The following SUPT3H variants were observed in gnomAD, a reference collection of about 807,000 sequenced individuals.
SUPT3H encodes the protein transcription initiation protein SPT3 homolog.
SUPT3H carries 44 observed loss-of-function variants against 44.3 expected under a neutral mutation model. The observed-to-expected ratio is 0.99, with a 90% CI of 0.78 to 1.28. SUPT3H has a LOEUF of 1.28. Ranked by LOEUF, SUPT3H falls within the 50% of genes most tolerant of loss-of-function variation. The pLI, the probability that SUPT3H is intolerant of heterozygous loss-of-function variation, is 0.00. For missense variants in SUPT3H, 380 were observed against 387.1 expected (o/e 0.98, Z 0.15); for synonymous variants, 124 against 125.6 (o/e 0.99, Z 0.09).
rs1808202535 is a variant in SUPT3H at position 45,158,238 on chromosome 6, A to G, written c.102-52232T>C. ...TAGATAGATAGATAGATAGATAGAT[A>G]GATAGATAATGCCTATATTTTATAT... On this transcript the variant is annotated intron_variant, in intron 2 of 10. Transcript: ENST00000371459. Among the ~76,000 whole-genome samples the G allele has an allele frequency of 3.7e-5, 5 of 133,408 alleles. No individual in the cohort carries two copies. The South Asian group carries it at 1.1e-3, about 29-fold the overall frequency. The allele number at this position is 133,408 out of a possible 152,430, so 87.5% of individuals were successfully genotyped here.
intron 2 of SUPT3H, among the ~76,000 whole-genome samples, chr6:45,318,348 T>C (rs1185261133): frequency 1.3e-5 from 2 of 152,126 alleles, no homozygotes; most frequent in South Asian, 2.1e-4. Flanking sequence ...CAGGACATTA[T>C]ACATTTGGCA....
intron 6 of SUPT3H, among the ~76,000 whole-genome samples, chr6:44,991,441 C>T (rs1038658973): frequency 1.3e-5 from 2 of 151,944 alleles, no homozygotes; most frequent in Admixed American, 1.3e-4. Context: ...ATGAAAAGTT[C>T]CAAACGGATA....
At chr6:45,115,885 C>T (rs1236717129) in intron 2 of SUPT3H, among the ~76,000 whole-genome samples, 2 of 152,126 alleles carry the variant, frequency 1.3e-5, no homozygotes. Context: ...GTAGCCATGG[C>T]AATAAACAGC....
At chr6:44,906,150 G>A (rs934995731) in intron 10 of SUPT3H, among the ~76,000 whole-genome samples, 2 of 152,112 alleles carry the variant, frequency 1.3e-5, no homozygotes, top group Non-Finnish European at 2.9e-5. Context: ...TTGTGCACAT[G>A]TACCCTAAAA....
At position 45,128,503 on chromosome 6, in the gene SUPT3H, C is replaced by CAAAAAA. The variant is rs1168489460; in HGVS notation, c.102-22503_102-22498dup. Among the ~76,000 whole-genome samples the CAAAAAA allele has an allele frequency of 5.6e-4, 7 of 12,462 alleles. 1 individual carries two copies. The highest frequency in any genetic ancestry group is 9.9e-3 in the East Asian group (2 of 202). 8.2% of individuals were successfully genotyped at this position (12,462 alleles called of 152,430 possible). A position where few individuals can be genotyped will look rare whatever the true frequency, so the allele number is the denominator to read the frequency against. On this transcript the variant is annotated intron_variant, in intron 2 of 10. Transcript: ENST00000371459. The stretch of plus-strand genomic sequence containing the variant: ...CTGGCAACAGAGCAAGACTCTGTCT[C>CAAAAAA]AAAAAAAAAAAAAAAAAAAAAAAAA...
At chr6:45,280,230 C>T (rs1363659690) in intron 2 of SUPT3H, among the ~76,000 whole-genome samples, 2 of 151,984 alleles carry the variant, frequency 1.3e-5, no homozygotes, top group African/African-American at 2.4e-5. Flanking sequence ...GGCCAGGTGT[C>T]GTGGCTCACA....
intron 2 of SUPT3H, among the ~76,000 whole-genome samples, chr6:45,173,716 C>T (rs1371248163): frequency 6.6e-6 from 1 of 152,146 alleles, no homozygotes; most frequent in African/African-American, 2.4e-5. Context: ...AGCATAGAGC[C>T]AGAAAAGGCC....
chr6:45,285,296 T>C (rs1779018234), intron 2 of SUPT3H, among the ~76,000 whole-genome samples: 1 of 152,046 alleles, frequency 6.6e-6, no homozygotes, highest in Non-Finnish European at 1.5e-5. Flanking sequence ...AAAGAGGAAG[T>C]CAAATTGTCC....
chr6:45,126,440 C>T (rs1802438394), intron 2 of SUPT3H, among the ~76,000 whole-genome samples: 1 of 152,212 alleles, frequency 6.6e-6, no homozygotes, highest in South Asian at 2.1e-4. Context: ...TACAACCACA[C>T]ATCTGTAATG....
At chr6:45,024,980 T>C (rs1312099816) in intron 3 of SUPT3H, among the ~76,000 whole-genome samples, 2 of 152,232 alleles carry the variant, frequency 1.3e-5, no homozygotes, top group Non-Finnish European at 2.9e-5. Flanking sequence ...CATCTACACA[T>C]TGGCTTTCCT....
At chr6:45,200,959 CAT>C (rs1447712109) in intron 2 of SUPT3H, among the ~76,000 whole-genome samples, 3 of 151,414 alleles carry the variant, frequency 2.0e-5, no homozygotes, top group Non-Finnish European at 4.4e-5. Context: ...ATTAAACAGT[CAT>C]GTGTACAAAT....
chr6:45,248,776 A>G (rs1771837512), intron 2 of SUPT3H, among the ~76,000 whole-genome samples: 1 of 152,124 alleles, frequency 6.6e-6, no homozygotes, highest in African/African-American at 2.4e-5. Flanking sequence ...TTAGCTGGGC[A>G]TGGTGGAGCG....
At chr6:45,093,441 G>A (rs1346884706) in intron 3 of SUPT3H, among the ~76,000 whole-genome samples, 1 of 152,008 alleles carries the variant, frequency 6.6e-6, no homozygotes, top group African/African-American at 2.4e-5. Context: ...CTAATCAAGA[G>A]TAATAGCAGC....
At chr6:45,006,239 T>C (rs1277396069) in intron 5 of SUPT3H, among the ~76,000 whole-genome samples, 1 of 152,106 alleles carries the variant, frequency 6.6e-6, no homozygotes, top group Admixed American at 6.6e-5. Context: ...TTTATTTTTG[T>C]GGTTGTTTAT....
At chr6:45,079,387 GGAA>G (rs1795462644) in intron 3 of SUPT3H, among the ~76,000 whole-genome samples, 1 of 149,484 alleles carries the variant, frequency 6.7e-6, no homozygotes, top group Non-Finnish European at 1.5e-5. Flanking sequence ...GAGGAGAAGT[GGAA>G]GAAGGAAGAA....
At chr6:45,252,953 G>A (rs1363398604) in intron 2 of SUPT3H, among the ~76,000 whole-genome samples, 1 of 151,932 alleles carries the variant, frequency 6.6e-6, no homozygotes, top group Admixed American at 6.6e-5. Flanking sequence ...CAATATGTGA[G>A]CCTAACCATC....
chr6:44,900,629 C>A (rs1013827264), intron 10 of SUPT3H, among the ~76,000 whole-genome samples: 1 of 152,222 alleles, frequency 6.6e-6, no homozygotes, highest in African/African-American at 2.4e-5. Context: ...CAGCAGAATC[C>A]TCTGCAGACT....
intron 3 of SUPT3H, among the ~76,000 whole-genome samples, chr6:45,025,555 A>G (rs1263567074): frequency 2.0e-5 from 3 of 152,212 alleles, no homozygotes; most frequent in African/African-American, 7.2e-5. Flanking sequence ...AATTCAGCAC[A>G]AAGATTTCTC....
At chr6:45,185,310 G>A (rs1814007902) in intron 2 of SUPT3H, among the ~76,000 whole-genome samples, 1 of 152,164 alleles carries the variant, frequency 6.6e-6, no homozygotes, top group African/African-American at 2.4e-5. Context: ...CAAAGAGACT[G>A]TACAAGTGGG....
Sources: allele counts gnomAD v4.1 joint callset (sites outside exome capture counted in the v4.1 genomes callset), GRCh38; gene constraint gnomAD v4.1.1; transcripts MANE v1.5; gene names NCBI Gene and HGNC (gene_info 2026-07-23, HGNC 2026-07-21).